The following RNF157 variants were observed in gnomAD, a reference collection of about 807,000 sequenced individuals.
RNF157 encodes the protein ring finger protein 157.
A neutral mutation model predicts 88.3 loss-of-function variants in RNF157; 55 were observed. The observed-to-expected ratio is 0.62, with a 90% CI of 0.50 to 0.78. The LOEUF (loss-of-function observed/expected upper bound fraction) is 0.78. Ranked by LOEUF, RNF157 falls within the 30% of genes least tolerant of loss-of-function variation. The pLI, the probability that RNF157 is intolerant of heterozygous loss-of-function variation, is 0.00. For synonymous variants in RNF157, 334 were observed against 341.2 expected (o/e 0.98, Z 0.23); for missense variants, 788 against 860.8 (o/e 0.92, Z 1.06).
intron 18 of RNF157, among the ~76,000 whole-genome samples, chr17:76,147,788 G>T (rs1311531954): frequency 6.6e-6 from 1 of 152,206 alleles, no homozygotes; most frequent in Non-Finnish European, 1.5e-5. Flanking sequence ...CATTTTGTCT[G>T]GCTGAATCCA....
intron 3 of RNF157, 112 bp from the exon 4 acceptor site, chr17:76,167,909 G>A: frequency 9.9e-7 from 1 of 1,013,640 alleles, no homozygotes. Context: ...ATAAGCATAG[G>A]TCTACCTCTT....
chr17:76,161,500 G>T lies in RNF157; in HGVS notation c.1065+35C>A. The T allele has an allele frequency of 6.7e-7, 1 of 1,501,190 alleles. No individual in the cohort carries two copies. Among genetic ancestry groups the T allele is most frequent in the Non-Finnish European group, 9.3e-7 (1 of 1,077,216 alleles). The allele number at this position is 1,501,190 out of a possible 1,614,324, so 93.0% of individuals were successfully genotyped here. ...GTTTAAAAAAGCCAATGAGGCATTT[G>T]CTTCAGAGGGGCCGTGGTTCCGAGC... is the stretch of plus-strand genomic sequence containing the variant. On this transcript the variant is annotated intron_variant, in intron 11 of 18. Coordinates refer to ENST00000269391, the MANE Select transcript of RNF157 (RefSeq NM_052916.3). The surrounding 1 kb of genome is among the most constrained non-coding windows in gnomAD (Gnocchi z 4.6).
chr17:76,182,065 G>A (rs558868557), intron 2 of RNF157, among the ~76,000 whole-genome samples: 2 of 152,292 alleles, frequency 1.3e-5, no homozygotes, highest in African/African-American at 2.4e-5. Flanking sequence ...CATCTGTAAA[G>A]GGGCGTCAAG....
chr17:76,183,654 AC>A (rs1291494578), intron 2 of RNF157, among the ~76,000 whole-genome samples: 3 of 152,110 alleles, frequency 2.0e-5, no homozygotes, highest in Non-Finnish European at 4.4e-5. Context: ...ACATTAAAAA[AC>A]ATTTATGGAT....
intron 18 of RNF157, among the ~76,000 whole-genome samples, chr17:76,148,211 T>C (rs2068614436): frequency 6.6e-6 from 1 of 151,962 alleles, no homozygotes; most frequent in South Asian, 2.1e-4. Context: ...AATGCAGTCA[T>C]TTAAAAATTG....
intron 1 of RNF157, among the ~76,000 whole-genome samples, chr17:76,237,057 C>T (rs975720060): frequency 4.6e-5 from 7 of 152,154 alleles, no homozygotes; most frequent in Admixed American, 2.6e-4. Flanking sequence ...AAGTTTGAAC[C>T]GTGTGACTAT....
At chr17:76,150,540 G>A (rs993522745) in intron 18 of RNF157, among the ~76,000 whole-genome samples, 2 of 152,166 alleles carry the variant, frequency 1.3e-5, no homozygotes, top group African/African-American at 2.4e-5. Context: ...CTTGAGGGAG[G>A]CAGGAACCTA....
chr17:76,223,189 CTTT>C (rs753507516), intron 1 of RNF157, among the ~76,000 whole-genome samples: 3 of 134,878 alleles, frequency 2.2e-5, no homozygotes, highest in Non-Finnish European at 3.2e-5. Context: ...CGCACCCGGC[CTTT>C]TTTTTTTTTT....
At chr17:76,185,273 T>C (rs569114055) in intron 2 of RNF157, among the ~76,000 whole-genome samples, 2 of 152,340 alleles carry the variant, frequency 1.3e-5, no homozygotes, top group South Asian at 4.1e-4. Flanking sequence ...TAAAACCTTC[T>C]ACCCAATCAT....
chr17:76,210,562 C>A (rs1457085832), intron 2 of RNF157, among the ~76,000 whole-genome samples: 1 of 113,734 alleles, frequency 8.8e-6, no homozygotes, highest in African/African-American at 3.4e-5. Context: ...TGTACTCCAG[C>A]CTGGGCGACA....
chr17:76,165,409 G>C lies in RNF157; in HGVS notation c.672+93C>G. 6.2e-6 allele frequency: 8 copies of C among 1,290,340 alleles called. No homozygotes were observed. The South Asian group carries it at 9.5e-5, about 15-fold the overall frequency. The allele number at this position is 1,290,340 out of a possible 1,614,324, so 79.9% of individuals were successfully genotyped here. ...TAGCCTCTAAAGCCAGACCCATTCT[G>C]CTGAGCTCAGGCACCCAGCAAACGG... On this transcript the variant is annotated intron_variant, in intron 7 of 18. Transcript: ENST00000269391.
chr17:76,234,255 A>G (rs1303095990), intron 1 of RNF157, among the ~76,000 whole-genome samples: 1 of 152,214 alleles, frequency 6.6e-6, no homozygotes, highest in African/African-American at 2.4e-5. Flanking sequence ...GTGCAGACTT[A>G]CCATATTTTA....
intron 3 of RNF157, 30 bp from the exon 4 acceptor site, chr17:76,167,827 A>G: frequency 6.3e-7 from 1 of 1,594,314 alleles, no homozygotes; most frequent in East Asian, 2.2e-5. Flanking sequence ...GCATTTGCAG[A>G]GTAGCATATC....
At position 76,240,441 on chromosome 17, in the gene RNF157, C is replaced by T. The variant is rs1289481714; in HGVS notation, c.-201G>A. Reference sequence around the variant, plus strand: ...GCCGGGCACCGCGGCGGCGCCTCTGCCAAGGGGGCTGCGGGTCTGGGCCGG... The same window carrying T: ...GCCGGGCACCGCGGCGGCGCCTCTGTCAAGGGGGCTGCGGGTCTGGGCCGG... On this transcript the variant is annotated 5_prime_UTR_variant, in exon 1 of 19. Transcript: ENST00000269391. The surrounding 1 kb of genome is among the most constrained non-coding windows in gnomAD (Gnocchi z 4.4). 6.8e-6 allele frequency: 1 copy of T among 147,672 alleles called. No homozygotes were observed. Among genetic ancestry groups the T allele is most frequent in the Non-Finnish European group, 1.5e-5 (1 of 67,178 alleles). 9.1% of individuals were successfully genotyped at this position (147,672 alleles called of 1,614,324 possible).
At chr17:76,232,410 C>A (rs1447753690) in intron 1 of RNF157, among the ~76,000 whole-genome samples, 1 of 151,328 alleles carries the variant, frequency 6.6e-6, no homozygotes, top group African/African-American at 2.4e-5. Context: ...AGCAAAGAAA[C>A]AAACAAAAAA....
intron 2 of RNF157, among the ~76,000 whole-genome samples, chr17:76,183,806 T>C (rs1294157200): frequency 2.0e-5 from 3 of 151,984 alleles, no homozygotes; most frequent in Non-Finnish European, 4.4e-5. Context: ...TTTATATTAA[T>C]TTTTTTACTT....
At chr17:76,180,964 G>A (rs774010884) in intron 2 of RNF157, among the ~76,000 whole-genome samples, 1 of 152,190 alleles carries the variant, frequency 6.6e-6, no homozygotes, top group African/African-American at 2.4e-5. Flanking sequence ...CCAACATGCC[G>A]GAGAAATACA....
chr17:76,185,571 G>A (rs1598412623), intron 2 of RNF157, among the ~76,000 whole-genome samples: 1 of 150,702 alleles, frequency 6.6e-6, no homozygotes, highest in South Asian at 2.1e-4. Context: ...CCGGGTTCAC[G>A]CCATTCTCCT....
chr17:76,197,484 A>G (rs907057793), intron 2 of RNF157, among the ~76,000 whole-genome samples: 3 of 152,186 alleles, frequency 2.0e-5, no homozygotes, highest in African/African-American at 7.2e-5. Flanking sequence ...GCAACACAGC[A>G]AGACCCCATC....
Sources: gnomAD v4.1 joint callset for allele counts (sites outside exome capture counted in the v4.1 genomes callset) on GRCh38, gnomAD v4.1.1 for gene constraint, Gnocchi (gnomAD v3.1) non-coding constraint, MANE v1.5 for transcripts, NCBI Gene and HGNC (gene_info 2026-07-23, HGNC 2026-07-21) for gene names.